The following OR51B5 variants were observed in gnomAD, a reference collection of about 807,000 sequenced individuals.
OR51B5 encodes the protein olfactory receptor family 51 subfamily B member 5, also known as olfactory receptor 51B5.
For missense variants in OR51B5, 456 were observed against 374.6 expected (o/e 1.22, Z -1.79); for synonymous variants, 186 against 144.8 (o/e 1.28, Z -2.04).
intron 1 of OR51B5, among the ~76,000 whole-genome samples, chr11:5,401,233 T>C (rs547037080): frequency 6.6e-6 from 1 of 152,372 alleles, no homozygotes; most frequent in African/African-American, 2.4e-5. Flanking sequence ...TTCAGCAGTG[T>C]GTCTGAGCTA....
chr11:5,412,223 T>C (rs1850159095), intron 1 of OR51B5, among the ~76,000 whole-genome samples: 1 of 152,160 alleles, frequency 6.6e-6, no homozygotes, highest in Non-Finnish European at 1.5e-5. Flanking sequence ...GACTATATCT[T>C]CTTGAGTAAA....
Position 5,505,411 on chromosome 11 carries a change from A to C in OR51B5, n.84+158T>G, listed in dbSNP as rs1054564185. 7.7e-6 allele frequency: 10 copies of C among 1,304,150 alleles called. No individual in the cohort carries two copies. The African/African-American group carries it at 1.5e-4, about 20-fold the overall frequency. The allele number at this position is 1,304,150 out of a possible 1,614,324, so 80.8% of individuals were successfully genotyped here. ...CCTCTTCATTTCCCCTAGCACCACC[A>C]TAAACAATAGGTTTTTCTTTAATCT... On this transcript the variant is annotated intron_variant and non_coding_transcript_variant, in intron 1 of 4. Transcript: ENST00000415970.
intron 1 of OR51B5, among the ~76,000 whole-genome samples, chr11:5,421,249 C>T (rs1181238774): frequency 6.6e-6 from 1 of 152,222 alleles, no homozygotes. Context: ...ACCTTCCACC[C>T]TCCAGACTAG....
intron 1 of OR51B5, among the ~76,000 whole-genome samples, chr11:5,362,403 T>C (rs753401081): frequency 1.2e-4 from 18 of 152,240 alleles, no homozygotes; most frequent in Non-Finnish European, 2.2e-4. Flanking sequence ...GATCAGTCTA[T>C]GGCTTTGGAA....
chr11:5,462,307 T>C (rs1418466963), intron 1 of OR51B5, among the ~76,000 whole-genome samples: 1 of 152,084 alleles, frequency 6.6e-6, no homozygotes, highest in Non-Finnish European at 1.5e-5. Context: ...TAATGCAGAA[T>C]GAAAAAAATA....
At chr11:5,414,143 A>G (rs11037350) in intron 1 of OR51B5, among the ~76,000 whole-genome samples, 33,176 of 151,738 alleles carry the variant, frequency 0.22, 3,782 homozygotes, top group Middle Eastern at 0.31. Flanking sequence ...ATTCTTAAGA[A>G]AAGAATTTTC....
intron 1 of OR51B5, among the ~76,000 whole-genome samples, chr11:5,364,554 A>T (rs1158351526): frequency 2.0e-5 from 3 of 152,198 alleles, no homozygotes; most frequent in Admixed American, 2.0e-4. Flanking sequence ...AGAGAGTAGG[A>T]GCTTAAAAAA....
intron 1 of OR51B5, among the ~76,000 whole-genome samples, chr11:5,484,551 T>C (rs1851473281): frequency 6.6e-6 from 1 of 152,204 alleles, no homozygotes; most frequent in South Asian, 2.1e-4. Flanking sequence ...CAAAACCATC[T>C]AGTGTCATCA....
intron 1 of OR51B5, among the ~76,000 whole-genome samples, chr11:5,463,433 C>T (rs1040602399): frequency 6.6e-6 from 1 of 152,194 alleles, no homozygotes; most frequent in Non-Finnish European, 1.5e-5. Flanking sequence ...TACTGGCTAT[C>T]GGACCACCTT....
chr11:5,459,281 C>T (rs571769139), intron 1 of OR51B5, among the ~76,000 whole-genome samples: 2 of 152,098 alleles, frequency 1.3e-5, no homozygotes, highest in East Asian at 1.9e-4. Context: ...GTTGAACCAG[C>T]CTTGCATCCC....
intron 1 of OR51B5, among the ~76,000 whole-genome samples, chr11:5,358,570 A>T (rs1383263689): frequency 6.6e-6 from 1 of 152,244 alleles, no homozygotes. Flanking sequence ...AGGTACAAGG[A>T]GGAGCTGGTA....
At chr11:5,351,619 C>A (rs1318976146) in intron 1 of OR51B5, 2 of 1,614,088 alleles carry the variant, frequency 1.2e-6, no homozygotes, top group African/African-American at 1.3e-5. Flanking sequence ...CTCCATACTT[C>A]TTGGCAATGG....
intron 1 of OR51B5, among the ~76,000 whole-genome samples, chr11:5,387,965 G>A (rs1255357904): frequency 6.6e-6 from 1 of 152,022 alleles, no homozygotes; most frequent in Non-Finnish European, 1.5e-5. Flanking sequence ...GTACCTAGGT[G>A]TAAAAGTAAT....
chr11:5,417,484 A>G (rs1297908203), intron 1 of OR51B5, among the ~76,000 whole-genome samples: 4 of 151,500 alleles, frequency 2.6e-5, no homozygotes. Context: ...ATCAGAGTGA[A>G]CAGGCAACCC....
chr11:5,483,753 G>T (rs960016637), intron 1 of OR51B5, among the ~76,000 whole-genome samples: 1 of 151,976 alleles, frequency 6.6e-6, no homozygotes, highest in African/African-American at 2.4e-5. Context: ...ATCCTTAGGG[G>T]ATGCCACCTG....
At chr11:5,451,569 A>T (rs1850849650) in intron 1 of OR51B5, among the ~76,000 whole-genome samples, 1 of 152,210 alleles carries the variant, frequency 6.6e-6, no homozygotes, top group South Asian at 2.1e-4. Flanking sequence ...GCCTTGCTGG[A>T]AACCATAGTA....
chr11:5,415,541 A>T (rs188161802), intron 1 of OR51B5, among the ~76,000 whole-genome samples: 1 of 152,186 alleles, frequency 6.6e-6, no homozygotes, highest in Admixed American at 6.5e-5. Flanking sequence ...AGACTAATAA[A>T]GAAAAAAAGA....
At chr11:5,409,996 G>A (rs891995866) in intron 1 of OR51B5, among the ~76,000 whole-genome samples, 3 of 152,086 alleles carry the variant, frequency 2.0e-5, no homozygotes, top group African/African-American at 7.2e-5. Context: ...ATTTATATAT[G>A]TAAAATAACC....
At chr11:5,366,970 C>A (rs1849378830) in intron 1 of OR51B5, among the ~76,000 whole-genome samples, 1 of 152,096 alleles carries the variant, frequency 6.6e-6, no homozygotes, top group South Asian at 2.1e-4. Flanking sequence ...TAATGGTCTC[C>A]TAACATTCCC....
Sources: gnomAD v4.1 joint callset for allele counts (sites outside exome capture counted in the v4.1 genomes callset) on GRCh38, gnomAD v4.1.1 for gene constraint, MANE v1.5 for transcripts, NCBI Gene and HGNC (gene_info 2026-07-23, HGNC 2026-07-21) for gene names.